FXYD7: variants seen among roughly 807,000 people sequenced by gnomAD.
FXYD7 encodes the protein FXYD domain-containing ion transport regulator 7.
A neutral mutation model predicts 15.3 loss-of-function variants in FXYD7; 7 were observed. The observed-to-expected ratio is 0.46, with a 90% CI of 0.26 to 0.86. FXYD7 has a LOEUF of 0.86. FXYD7 is among the 40% of genes least tolerant of loss of function. The pLI, the probability that FXYD7 is intolerant of heterozygous loss-of-function variation, is 0.16. For missense variants in FXYD7, 78 were observed against 100.6 expected (o/e 0.78, Z 0.96); for synonymous variants, 39 against 39.3 (o/e 0.99, Z 0.03).
chr19:35,151,144 C>A, intron 2 of FXYD7, 110 bp from the exon 3 acceptor site: 2 of 782,800 alleles, frequency 2.6e-6, no homozygotes, highest in South Asian at 2.8e-5. Context: ...CAGTCCACAG[C>A]CTCCCTGGGC....
chr19:35,145,432 C>G (rs2065286024), intron 1 of FXYD7, among the ~76,000 whole-genome samples: 1 of 152,220 alleles, frequency 6.6e-6, no homozygotes, highest in Admixed American at 6.5e-5. Context: ...CAGGGGCTCA[C>G]CCAGTGGGCT....
At chr19:35,151,779 G>T (rs368538591) in intron 5 of FXYD7, 106 bp downstream of exon 5, 5 of 781,510 alleles carry the variant, frequency 6.4e-6, no homozygotes, top group Admixed American at 1.8e-5. Context: ...GGGGCGGAGG[G>T]GGGGTGGTGC....
rs567350794 is a variant in FXYD7 at position 35,151,076 on chromosome 19, C to T, written c.62-178C>T. 3.1e-4 allele frequency among the ~76,000 whole-genome samples: 47 copies of T among 152,060 alleles called. No individual in the cohort carries two copies. In the South Asian group the frequency reaches 3.1e-3, roughly 10 times the overall value. On this transcript the variant is annotated intron_variant, in intron 2 of 5. Coordinates refer to ENST00000270310, the MANE Select transcript of FXYD7 (RefSeq NM_022006.2). ...GGGTACAGAGGGCAAGGGGAGCTAA[C>T]GGTGCCCAAGCCCACACCCTACATC...
rs1267084658 is a variant in FXYD7 at position 35,151,570 on chromosome 19, T to C, written c.180-63T>C. 3 of 1,596,618 alleles carry C rather than the reference T, an allele frequency of 1.9e-6. No homozygotes were observed. The African/African-American group carries it at 4.0e-5, about 21-fold the overall frequency. On this transcript the variant is annotated intron_variant, in intron 4 of 5. Coordinates refer to ENST00000270310, the MANE Select transcript of FXYD7 (RefSeq NM_022006.2). ...GGATCCACTGGGCCTGCCATGCGTT[T>C]TCCCCAAAGCCTATGGTTATTGAAC...
intron 1 of FXYD7, among the ~76,000 whole-genome samples, chr19:35,145,813 T>C (rs922941543): frequency 6.6e-6 from 1 of 152,272 alleles, no homozygotes; most frequent in Admixed American, 6.5e-5. Flanking sequence ...GGTCTCACTC[T>C]GTCGCCTAGG....
intron 1 of FXYD7, 27 bp from the exon 2 acceptor site, chr19:35,148,661 TTCTTTC>T: frequency 6.6e-7 from 1 of 1,519,228 alleles, no homozygotes; most frequent in Non-Finnish European, 8.8e-7. Context: ...AGTTTTTTTT[TTCTTTC>T]TCTTTTTCTC....
At position 35,153,883 on chromosome 19, in the gene FXYD7, T is replaced by A; in HGVS notation, c.221-11T>A. Reference sequence around the variant, plus strand: ...CCTTTCTAGTGGCTCACGCACCCCCTCTCTCCCCAGCCCCTGGTGGCGGCG... The same window carrying A: ...CCTTTCTAGTGGCTCACGCACCCCCACTCTCCCCAGCCCCTGGTGGCGGCG... On this transcript the variant is annotated splice_polypyrimidine_tract_variant and intron_variant, in intron 5 of 5. Transcript: ENST00000270310. 2 of 1,612,212 alleles carry A rather than the reference T, an allele frequency of 1.2e-6. No individual in the cohort carries two copies. Among genetic ancestry groups the A allele is most frequent in the Non-Finnish European group, 1.7e-6 (2 of 1,178,816 alleles).
Position 35,143,798 on chromosome 19 carries a change from G to A in FXYD7, c.31+434G>A, listed in dbSNP as rs543003190. 8.3e-4 allele frequency among the ~76,000 whole-genome samples: 126 copies of A among 152,294 alleles called. 2 individuals are homozygous for A. Among genetic ancestry groups the A allele is most frequent in the South Asian group, 6.2e-4 (3 of 4,828 alleles). Reference sequence around the variant, plus strand: ...GGTTCATGTCCCTCTTCTTTCCAGTGCTGTCTCCTAGGGTGTCTGTTTCCT... The same window carrying A: ...GGTTCATGTCCCTCTTCTTTCCAGTACTGTCTCCTAGGGTGTCTGTTTCCT... On this transcript the variant is annotated intron_variant, in intron 1 of 5. Transcript: ENST00000270310. The surrounding 1 kb of genome is among the most constrained non-coding windows in gnomAD (Gnocchi z 4.3).
intron 1 of FXYD7, among the ~76,000 whole-genome samples, chr19:35,145,097 G>A (rs549146946): frequency 6.6e-6 from 1 of 152,108 alleles, no homozygotes; most frequent in Admixed American, 6.5e-5. Context: ...CAGGGGCAAC[G>A]GCAGGAGGTG....
At chr19:35,147,965 C>T (rs2065294165) in intron 1 of FXYD7, among the ~76,000 whole-genome samples, 1 of 149,486 alleles carries the variant, frequency 6.7e-6, no homozygotes, top group East Asian at 2.0e-4. Context: ...TGCACTCCAG[C>T]CTGGGTGACA....
chr19:35,146,997 T>G (rs2065290933), intron 1 of FXYD7, among the ~76,000 whole-genome samples: 1 of 152,208 alleles, frequency 6.6e-6, no homozygotes, highest in Admixed American at 6.5e-5. Context: ...GAGTATGCTG[T>G]GGTAACAAAT....
rs371325815 is a variant in FXYD7 at position 35,151,968 on chromosome 19, G to A, written c.220+295G>A. On this transcript the variant is annotated intron_variant, in intron 5 of 5. Coordinates refer to ENST00000270310, the MANE Select transcript of FXYD7 (RefSeq NM_022006.2). ...AGCCCGGCCAACATGGTGAAACACCGTCTCTGCTAAAAATGCAAAAATTAG... is the reference window on the plus strand; with the variant it reads ...AGCCCGGCCAACATGGTGAAACACCATCTCTGCTAAAAATGCAAAAATTAG... Among the ~76,000 whole-genome samples, 127 of 151,668 alleles carry A rather than the reference G, an allele frequency of 8.4e-4. 2 individuals carry two copies. In the South Asian group the frequency reaches 0.01, roughly 12 times the overall value.
intron 2 of FXYD7, chr19:35,149,048 C>T: frequency 1.9e-6 from 1 of 522,028 alleles, no homozygotes; most frequent in Non-Finnish European, 3.7e-6. Flanking sequence ...TGAATCCTGC[C>T]TTATCCACTC....
chr19:35,144,432 T>C (rs2065281266), intron 1 of FXYD7, among the ~76,000 whole-genome samples: 1 of 152,168 alleles, frequency 6.6e-6, no homozygotes. Context: ...CTAATCCTGC[T>C]TCTGCAGATG....
At chr19:35,144,822 C>A (rs1036072481) in intron 1 of FXYD7, among the ~76,000 whole-genome samples, 8 of 152,278 alleles carry the variant, frequency 5.3e-5, no homozygotes, top group Admixed American at 3.3e-4. Flanking sequence ...TCTGCCTCCC[C>A]CTTTCCCAGT....
chr19:35,153,033 C>CTTTTTTTTT lies in FXYD7; in HGVS notation c.221-840_221-832dup, dbSNP rs954084904. 2.5e-4 allele frequency among the ~76,000 whole-genome samples: 11 copies of CTTTTTTTTT among 44,138 alleles called. 1 individual carries two copies. Among genetic ancestry groups the CTTTTTTTTT allele is most frequent in the African/African-American group, 4.2e-4 (4 of 9,632 alleles). 29.0% of individuals were successfully genotyped at this position (44,138 alleles called of 152,430 possible). A position where few individuals can be genotyped will look rare whatever the true frequency, so the allele number is the denominator to read the frequency against. On this transcript the variant is annotated intron_variant, in intron 5 of 5. Coordinates refer to ENST00000270310, the MANE Select transcript of FXYD7 (RefSeq NM_022006.2). Reference sequence around the variant, plus strand: ...TTGGTGTGGAATTTGTTTCACGTTCCTTTTTTTTTTTTTTTTTTTTTTTTT... The same window carrying CTTTTTTTTT: ...TTGGTGTGGAATTTGTTTCACGTTCCTTTTTTTTTTTTTTTTTTTTTTTTTTTTTTTTTT...
In FXYD7 at chr19:35,153,033, C is replaced by CTTTTTTTTTTTTTTTTTTTTTT. The variant is rs954084904; in HGVS notation, c.221-853_221-832dup. 2.9e-4 allele frequency among the ~76,000 whole-genome samples: 13 copies of CTTTTTTTTTTTTTTTTTTTTTT among 44,138 alleles called. 3 individuals are homozygous for CTTTTTTTTTTTTTTTTTTTTTT. The highest frequency in any genetic ancestry group is 3.9e-4 in the Non-Finnish European group (10 of 25,806). 29.0% of individuals were successfully genotyped at this position (44,138 alleles called of 152,430 possible). On this transcript the variant is annotated intron_variant, in intron 5 of 5. Coordinates refer to ENST00000270310, the MANE Select transcript of FXYD7 (RefSeq NM_022006.2). ...TTGGTGTGGAATTTGTTTCACGTTC[C>CTTTTTTTTTTTTTTTTTTTTTT]TTTTTTTTTTTTTTTTTTTTTTTTT...
intron 2 of FXYD7, among the ~76,000 whole-genome samples, chr19:35,150,294 G>A (rs1282863008): frequency 6.6e-6 from 1 of 152,140 alleles, no homozygotes; most frequent in Non-Finnish European, 1.5e-5. Flanking sequence ...CTACTTGGGA[G>A]GCTGAGCAGG....
At chr19:35,148,418 C>T (rs2065298160) in intron 1 of FXYD7, among the ~76,000 whole-genome samples, 1 of 152,192 alleles carries the variant, frequency 6.6e-6, no homozygotes. Context: ...CATAGGGGTC[C>T]AGAACCAGGA....
Sources: gnomAD v4.1 joint callset for allele counts (sites outside exome capture counted in the v4.1 genomes callset) on GRCh38, gnomAD v4.1.1 for gene constraint, Gnocchi (gnomAD v3.1) non-coding constraint, MANE v1.5 for transcripts, NCBI Gene and HGNC (gene_info 2026-07-23, HGNC 2026-07-21) for gene names.